EHBP1: variants seen among roughly 807,000 people sequenced by gnomAD.
The protein encoded by EHBP1 is EH domain binding protein 1.
A neutral mutation model predicts 144.0 loss-of-function variants in EHBP1; 55 were observed. The ratio of observed to expected loss-of-function variants is 0.38; its 90% confidence interval spans 0.31 to 0.48. The LOEUF is 0.48. Ranked by LOEUF, EHBP1 falls within the 20% of genes least tolerant of loss-of-function variation. EHBP1 has a pLI of 0.98. For synonymous variants in EHBP1, 469 were observed against 472.7 expected (o/e 0.99, Z 0.10); for missense variants, 1,200 against 1,364.2 (o/e 0.88, Z 1.90).
chr2:62,890,166 G>C (rs1224047662), intron 10 of EHBP1, among the ~76,000 whole-genome samples: 1 of 151,990 alleles, frequency 6.6e-6, no homozygotes, highest in Non-Finnish European at 1.5e-5. Flanking sequence ...TCGATCTCCA[G>C]ACCTTGTGAT....
intron 2 of EHBP1, among the ~76,000 whole-genome samples, chr2:62,738,995 G>A (rs2038423022): frequency 6.6e-6 from 1 of 152,112 alleles, no homozygotes; most frequent in Admixed American, 6.5e-5. Flanking sequence ...AAAGCTATTT[G>A]GAAGCTCTAT....
intron 7 of EHBP1, among the ~76,000 whole-genome samples, chr2:62,835,807 G>A (rs1340055396): frequency 1.3e-5 from 2 of 152,192 alleles, no homozygotes; most frequent in African/African-American, 2.4e-5. Context: ...GGCGCACCAC[G>A]AGACTATATC....
chr2:63,010,976 A>G (rs1214869836), intron 19 of EHBP1, among the ~76,000 whole-genome samples: 1 of 151,616 alleles, frequency 6.6e-6, no homozygotes, highest in East Asian at 1.9e-4. Flanking sequence ...AGGTTTCCTT[A>G]AAGAGGGCAA....
At chr2:62,678,399 G>A (rs1264352791) in intron 1 of EHBP1, among the ~76,000 whole-genome samples, 1 of 152,130 alleles carries the variant, frequency 6.6e-6, no homozygotes, top group East Asian at 1.9e-4. Context: ...TGTCAGATGA[G>A]TAGTTTGCAA....
At chr2:63,038,997 G>GGGTC (rs1486562271) in intron 21 of EHBP1, among the ~76,000 whole-genome samples, 181 bp downstream of exon 21, 1 of 152,090 alleles carries the variant, frequency 6.6e-6, no homozygotes, top group Non-Finnish European at 1.5e-5. Context: ...AATTCAGATA[G>GGGTC]ATAATCATTA....
intron 19 of EHBP1, among the ~76,000 whole-genome samples, chr2:63,004,846 T>C (rs1227254835): frequency 1.3e-5 from 2 of 152,104 alleles, no homozygotes; most frequent in East Asian, 1.9e-4. Context: ...TGCATCAGAA[T>C]TACCTGGTGA....
At chr2:62,727,962 A>T (rs2037000584) in intron 2 of EHBP1, among the ~76,000 whole-genome samples, 1 of 152,208 alleles carries the variant, frequency 6.6e-6, no homozygotes, top group South Asian at 2.1e-4. Context: ...AAAGTGCACG[A>T]TTGACATCAG....
intron 19 of EHBP1, among the ~76,000 whole-genome samples, chr2:63,026,555 C>T (rs1040778858): frequency 2.6e-5 from 4 of 152,162 alleles, no homozygotes; most frequent in Non-Finnish European, 2.9e-5. Context: ...ATAACTTACA[C>T]AAGTTCATAT....
chr2:62,743,500 A>G (rs2038900632), intron 2 of EHBP1, among the ~76,000 whole-genome samples: 1 of 152,058 alleles, frequency 6.6e-6, no homozygotes, highest in African/African-American at 2.4e-5. Flanking sequence ...TCATCCTTGT[A>G]TCTCCATTGC....
chr2:62,779,056 A>T (rs2042243440), intron 5 of EHBP1, among the ~76,000 whole-genome samples: 1 of 152,184 alleles, frequency 6.6e-6, no homozygotes, highest in South Asian at 2.1e-4. Context: ...ATATGAGAAT[A>T]CCACATCGCA....
At chr2:62,679,117 A>G (rs1440540462) in intron 1 of EHBP1, among the ~76,000 whole-genome samples, 1 of 152,236 alleles carries the variant, frequency 6.6e-6, no homozygotes, top group Non-Finnish European at 1.5e-5. Context: ...TTTGTATTTT[A>G]TCAGCATAAT....
At chr2:62,684,386 T>C (rs985861244) in intron 1 of EHBP1, among the ~76,000 whole-genome samples, 1 of 152,116 alleles carries the variant, frequency 6.6e-6, no homozygotes, top group Non-Finnish European at 1.5e-5. Flanking sequence ...TCTGCTCCAT[T>C]TTGGAGATGA....
chr2:62,931,342 G>C (rs2055972700), intron 10 of EHBP1, among the ~76,000 whole-genome samples: 1 of 152,106 alleles, frequency 6.6e-6, no homozygotes, highest in African/African-American at 2.4e-5. Context: ...ACACCCATTA[G>C]GATGGCTACT....
rs756207063 is a variant in EHBP1, at chr2:63,045,148, G to T, written c.3360G>T (p.Ala1120=). ...TGGCCCTGGTGAACAAGCGCGATGC[G>T]CTCGTCAGGGACCTGGACGCGCAGG... ...ELVALVNKRD[A]LVRDLDAQEK... is the part of the protein sequence containing the mutation. Residue 1120 remains alanine (A), a synonymous_variant, in exon 22 of 23, where the codon GCG becomes GCT. Transcript: ENST00000431489. The surrounding 1 kb of genome is among the most constrained non-coding windows in gnomAD (Gnocchi z 5.7). 5 of 1,595,292 alleles carry T rather than the reference G, an allele frequency of 3.1e-6. No homozygotes were observed. The South Asian group carries it at 5.7e-5, about 18-fold the overall frequency.
At chr2:62,971,529 G>T (rs2058495222) in intron 14 of EHBP1, among the ~76,000 whole-genome samples, 1 of 152,112 alleles carries the variant, frequency 6.6e-6, no homozygotes, top group African/African-American at 2.4e-5. Context: ...TCACTGTAGG[G>T]CCTCAGAAAA....
At position 63,012,259 on chromosome 2, in the gene EHBP1, T is replaced by C. The variant is rs1178730909; in HGVS notation, c.3103+15493T>C. On this transcript the variant is annotated intron_variant, in intron 19 of 22. Transcript: ENST00000431489. ...CATACAAAGGAAATAAAACATGATA[T>C]AACCAAATGCTACTGTGTCATATAG... 5.9e-5 allele frequency among the ~76,000 whole-genome samples: 9 copies of C among 151,992 alleles called. No individual in the cohort carries two copies. The East Asian group carries it at 1.5e-3, about 26-fold the overall frequency.
chr2:62,875,853 C>T (rs1010009366), intron 10 of EHBP1, among the ~76,000 whole-genome samples: 6 of 152,112 alleles, frequency 3.9e-5, no homozygotes, highest in Non-Finnish European at 5.9e-5. Flanking sequence ...GAAGTATTAA[C>T]AGCAGAATAG....
intron 19 of EHBP1, among the ~76,000 whole-genome samples, chr2:63,021,253 C>T (rs1179037642): frequency 2.0e-5 from 3 of 151,994 alleles, no homozygotes; most frequent in Admixed American, 1.3e-4. Context: ...TCTCCCCCAG[C>T]CCCCCAGAAA....
intron 10 of EHBP1, among the ~76,000 whole-genome samples, chr2:62,915,740 A>G (rs2054563074): frequency 6.6e-6 from 1 of 152,130 alleles, no homozygotes; most frequent in African/African-American, 2.4e-5. Context: ...ATAATTGTTA[A>G]TGGGGTTTGA....
Sources: allele counts gnomAD v4.1 joint callset (sites outside exome capture counted in the v4.1 genomes callset), GRCh38; gene constraint gnomAD v4.1.1; non-coding constraint Gnocchi (gnomAD v3.1); transcripts MANE v1.5; gene names NCBI Gene and HGNC (gene_info 2026-07-23, HGNC 2026-07-21).